Variants in SCRG1 observed in about 807,000 individuals in gnomAD.
The protein encoded by SCRG1 is scrapie-responsive protein 1.
A neutral mutation model predicts 7.7 loss-of-function variants in SCRG1; 3 were observed. The observed-to-expected ratio is 0.39, with a 90% CI of 0.18 to 1.01. The LOEUF is 1.01. Ranked by LOEUF, SCRG1 falls within the 50% of genes least tolerant of loss-of-function variation. The pLI, the probability that SCRG1 is intolerant of heterozygous loss-of-function variation, is 0.36. For synonymous variants in SCRG1, 46 were observed against 41.2 expected (o/e 1.12, Z -0.44); for missense variants, 110 against 117.2 (o/e 0.94, Z 0.28).
chr4:173,418,592 C>T, the SCRG1 span, among the ~76,000 whole-genome samples: 1 of 152,210 alleles, frequency 6.6e-6, no homozygotes, highest in Non-Finnish European at 1.5e-5. Flanking sequence ...GACTCCAAAA[C>T]CATTTTAGAA....
At chr4:173,406,879 G>C (rs1739919480), upstream of SCRG1, among the ~76,000 whole-genome samples, 1 of 152,080 alleles carries the variant, frequency 6.6e-6, no homozygotes, top group Non-Finnish European at 1.5e-5. Flanking sequence ...ACTTGTTGGA[G>C]GACATCTTGG....
At chr4:173,484,640 A>G in the SCRG1 span, among the ~76,000 whole-genome samples, 1 of 96,166 alleles carries the variant, frequency 1.0e-5, no homozygotes, top group Non-Finnish European at 1.8e-5. Flanking sequence ...TATTATATGC[A>G]TATAATATAT....
chr4:173,484,348 A>G, the SCRG1 span, among the ~76,000 whole-genome samples: 23 of 86,508 alleles, frequency 2.7e-4, no homozygotes, highest in African/African-American at 1.2e-3. Context: ...CATATTATAT[A>G]ATATATAATA....
chr4:173,394,515 G>A lies in SCRG1; in HGVS notation c.-14-3087C>T, dbSNP rs186550570. On this transcript the variant is annotated intron_variant, in intron 1 of 2. Coordinates refer to ENST00000296506, the MANE Select transcript of SCRG1 (RefSeq NM_007281.4). ...AAAAATTAGCCGGGCGTGGTGGCGA[G>A]CGCCTGTAGTCCCAGCTACTTGGGA... 3.4e-3 allele frequency among the ~76,000 whole-genome samples: 517 copies of A among 152,178 alleles called. 3 individuals are homozygous for A. Among genetic ancestry groups the A allele is most frequent in the African/African-American group, 0.012 (490 of 41,512 alleles).
chr4:173,469,223 G>C, the SCRG1 span: 1 of 152,088 alleles, frequency 6.6e-6, no homozygotes, highest in Non-Finnish European at 1.5e-5. Context: ...CTCAGGAATT[G>C]CTTAGAGAAA....
the SCRG1 span, among the ~76,000 whole-genome samples, chr4:173,425,137 C>T: frequency 2.6e-5 from 4 of 152,130 alleles, no homozygotes; most frequent in Admixed American, 6.6e-5. Flanking sequence ...TTTCATGGTT[C>T]TGTAACATCA....
Position 173,391,219 on chromosome 4 carries a change from C to T in SCRG1, c.196G>A (p.Glu66Lys). Reference protein sequence around the residue: ...QDHFWDGKGCEMICYCNFSEL... With the variant: ...QDHFWDGKGCKMICYCNFSEL... ...CTGAAGTTGCAGTAACAGATCATCT[C>T]ACATCCCTTCCCATCCCAGAAATGA... The change falls in exon 2 of 3, where the codon GAG becomes AAG. Residue 66 changes from glutamate to lysine, a missense_variant. Coordinates refer to ENST00000296506, the MANE Select transcript of SCRG1 (RefSeq NM_007281.4). 1 of 1,614,200 alleles carries T rather than the reference C, an allele frequency of 6.2e-7. No homozygotes were observed.
the SCRG1 span, among the ~76,000 whole-genome samples, chr4:173,509,599 C>G: frequency 6.6e-6 from 1 of 152,190 alleles, no homozygotes. The surrounding 1 kb of genome is among the most constrained non-coding windows in gnomAD (Gnocchi z 5.7). Context: ...CCTTCCTTCC[C>G]GAGTGAGCTC....
chr4:173,469,132 A>G, the SCRG1 span: 4 of 152,308 alleles, frequency 2.6e-5, no homozygotes, highest in African/African-American at 9.6e-5. Flanking sequence ...AGGGTTCAGA[A>G]TTTAAAAATT....
At chr4:173,514,185 C>A in the SCRG1 span, among the ~76,000 whole-genome samples, 9 of 152,184 alleles carry the variant, frequency 5.9e-5, no homozygotes, top group African/African-American at 2.2e-4. Context: ...CACACTAGTC[C>A]TCTCCTCCCT....
the SCRG1 span, among the ~76,000 whole-genome samples, chr4:173,483,030 T>A: frequency 1.1e-4 from 14 of 124,272 alleles, no homozygotes. Flanking sequence ...TTATATGTAA[T>A]ATATTTCATG....
At chr4:173,420,906 A>T in the SCRG1 span, among the ~76,000 whole-genome samples, 2 of 152,164 alleles carry the variant, frequency 1.3e-5, no homozygotes, top group African/African-American at 4.8e-5. Flanking sequence ...AGTCTGTGTG[A>T]GTGTGTGAGG....
the SCRG1 span, among the ~76,000 whole-genome samples, chr4:173,518,985 G>A: frequency 6.6e-6 from 1 of 151,950 alleles, no homozygotes; most frequent in East Asian, 1.9e-4. Context: ...CCACCGGGTT[G>A]CCTTCGGGGC....
At chr4:173,430,849 G>T in the SCRG1 span, among the ~76,000 whole-genome samples, 1 of 135,834 alleles carries the variant, frequency 7.4e-6, no homozygotes, top group South Asian at 2.5e-4. Context: ...AGAGAGGAGA[G>T]AAAATACAGG....
At chr4:173,429,438 C>T in the SCRG1 span, among the ~76,000 whole-genome samples, 1 of 152,088 alleles carries the variant, frequency 6.6e-6, no homozygotes, top group Non-Finnish European at 1.5e-5. Context: ...GATGATAGGT[C>T]CATACCACCA....
At chr4:173,426,425 T>A in the SCRG1 span, among the ~76,000 whole-genome samples, 2 of 152,234 alleles carry the variant, frequency 1.3e-5, no homozygotes, top group African/African-American at 4.8e-5. Context: ...TGTAAGTAGA[T>A]GCCCAGTATA....
chr4:173,488,481 C>T, the SCRG1 span, among the ~76,000 whole-genome samples: 1 of 152,238 alleles, frequency 6.6e-6, no homozygotes, highest in Admixed American at 6.5e-5. Context: ...GAACAAAAGG[C>T]CTAGAAATAG....
chr4:173,404,108 A>G (rs1180739745), upstream of SCRG1: 1 of 152,234 alleles, frequency 6.6e-6, no homozygotes, highest in Non-Finnish European at 1.5e-5. Context: ...ACTGGGGTTC[A>G]AAAAAATTAA....
the SCRG1 span, among the ~76,000 whole-genome samples, chr4:173,485,755 A>G: frequency 6.6e-6 from 1 of 152,056 alleles, no homozygotes. Context: ...AGATCACTTG[A>G]GGTCGTGAGT....
Sources: allele counts gnomAD v4.1 joint callset (sites outside exome capture counted in the v4.1 genomes callset), GRCh38; gene constraint gnomAD v4.1.1; non-coding constraint Gnocchi (gnomAD v3.1); transcripts MANE v1.5; gene names NCBI Gene and HGNC (gene_info 2026-07-23, HGNC 2026-07-21).